XPO6: variants seen among roughly 807,000 people sequenced by gnomAD.
XPO6 encodes the protein exportin-6.
XPO6 carries 3 observed loss-of-function variants against 130.0 expected under a neutral mutation model. The ratio of observed to expected loss-of-function variants is 0.02; its 90% CI spans 0.01 to 0.06. The LOEUF is 0.06. XPO6 is among the 10% of genes least tolerant of loss of function. The probability of loss-of-function intolerance (pLI) is 1.00; values close to 1 mark genes in which losing one functional copy is unlikely to be tolerated. For synonymous variants in XPO6, 524 were observed against 548.9 expected, an observed-to-expected ratio of 0.95 and a Z score of 0.63; for missense variants, 970 against 1,393.0, an observed-to-expected ratio of 0.70 and a Z score of 4.83.
chr16:28,163,051 A>C (rs2043302565), intron 6 of XPO6, among the ~76,000 whole-genome samples: 1 of 152,128 alleles, frequency 6.6e-6, no homozygotes, highest in Non-Finnish European at 1.5e-5. Context: ...TGCCAATAGC[A>C]CTTCTCCAGT....
At chr16:28,099,213 G>C (rs933053856) in intron 23 of XPO6, among the ~76,000 whole-genome samples, 2 of 152,202 alleles carry the variant, frequency 1.3e-5, no homozygotes, top group Admixed American at 1.3e-4. Flanking sequence ...TGTCCCACTG[G>C]GCGCAGCGTG....
intron 4 of XPO6, among the ~76,000 whole-genome samples, chr16:28,174,272 G>A (rs1461086406): frequency 2.0e-5 from 3 of 151,966 alleles, no homozygotes. Flanking sequence ...CGTGGTGCAC[G>A]CCATCACCCC....
intron 7 of XPO6, chr16:28,155,778 G>C (rs2043174150): frequency 4.4e-6 from 2 of 456,896 alleles, no homozygotes; most frequent in Non-Finnish European, 6.6e-6. Flanking sequence ...AGACCTGCAA[G>C]CAAATAGTAA....
chr16:28,104,503 G>C, intron 21 of XPO6, 43 bp downstream of exon 21: 1 of 1,610,930 alleles, frequency 6.2e-7, no homozygotes, highest in East Asian at 2.2e-5. Flanking sequence ...GCAGTGGTCA[G>C]GTTAGAGGAA....
At chr16:28,104,278 G>T (rs533954398) in intron 21 of XPO6, among the ~76,000 whole-genome samples, 61 of 152,330 alleles carry the variant, frequency 4.0e-4, no homozygotes, top group African/African-American at 1.4e-3. Flanking sequence ...TATGAGGTCA[G>T]CGGAACTGAC....
chr16:28,152,821 C>T, intron 7 of XPO6, 36 bp from the exon 8 acceptor site: 1 of 1,600,320 alleles, frequency 6.2e-7, no homozygotes, highest in South Asian at 1.1e-5. Context: ...CAATAAGAAA[C>T]CCAGCCACCT....
chr16:28,140,676 C>CAA (rs869289553), intron 9 of XPO6, among the ~76,000 whole-genome samples: 8 of 80,968 alleles, frequency 9.9e-5, no homozygotes, highest in African/African-American at 2.3e-4. Flanking sequence ...GACCCCGTCT[C>CAA]AAAAAAAAAA....
chr16:28,189,664 G>A (rs1409552819), intron 1 of XPO6, among the ~76,000 whole-genome samples: 1 of 152,098 alleles, frequency 6.6e-6, no homozygotes, highest in Non-Finnish European at 1.5e-5. Context: ...GGGCAGGCGC[G>A]CCCACCCCTC....
At chr16:28,156,004 T>C in intron 7 of XPO6, 70 bp downstream of exon 7, 1 of 1,527,492 alleles carries the variant, frequency 6.5e-7, no homozygotes, top group East Asian at 2.3e-5. Flanking sequence ...ACAGATGCCA[T>C]GCAGCACAGC....
intron 4 of XPO6, among the ~76,000 whole-genome samples, chr16:28,173,457 T>C (rs191669620): frequency 1.5e-3 from 233 of 152,326 alleles, no homozygotes; most frequent in Admixed American, 2.4e-3. Context: ...CAAAGGGGAC[T>C]TTAGGCTAGG....
intron 1 of XPO6, among the ~76,000 whole-genome samples, chr16:28,207,023 G>A (rs1035857495): frequency 6.6e-6 from 1 of 152,182 alleles, no homozygotes; most frequent in Non-Finnish European, 1.5e-5. Flanking sequence ...AAGGTGGGCA[G>A]ATCATCTGAG....
At chr16:28,108,702 C>A (rs1363373153) in intron 17 of XPO6, among the ~76,000 whole-genome samples, 1 of 152,232 alleles carries the variant, frequency 6.6e-6, no homozygotes, top group Admixed American at 6.5e-5. Context: ...TGAGAGCTGC[C>A]TCCCACTTGG....
chr16:28,149,188 G>A (rs541018019), intron 8 of XPO6, among the ~76,000 whole-genome samples: 1 of 152,114 alleles, frequency 6.6e-6, no homozygotes, highest in South Asian at 2.1e-4. Context: ...AGAACAAGAA[G>A]GAAGTGGTGA....
In XPO6 at chr16:28,121,671, C is replaced by G; in HGVS notation, c.1858G>C (p.Val620Leu). 1 of 1,604,432 alleles carries G rather than the reference C, an allele frequency of 6.2e-7. No individual in the cohort carries two copies. The highest frequency in any genetic ancestry group is 8.5e-7 in the Non-Finnish European group (1 of 1,171,192). ...PSVLKPDLID[V>L]HAQSLAALQA... is the part of the protein sequence containing the mutation. ...ACAAACATCAAACTCTAGACTTACA[C>G]ATCAATGAGGTCAGGTTTCAATACT... is the stretch of plus-strand genomic sequence containing the variant. Residue 620 changes from valine to leucine, a missense_variant and splice_region_variant, in exon 14 of 24, where the codon GTG (valine) becomes CTG (leucine). Around this residue, in one of 4 missense-constraint regions of XPO6, gnomAD observed 936 missense variants for 1,306.8 expected, o/e 0.72. Transcript: ENST00000304658.
intron 7 of XPO6, chr16:28,154,043 T>C: frequency 2.0e-6 from 2 of 985,278 alleles, no homozygotes; most frequent in Non-Finnish European, 2.4e-6. Flanking sequence ...GGCCAAGTAC[T>C]CGAAAAACAG....
chr16:28,145,100 G>C (rs916609511), intron 9 of XPO6, among the ~76,000 whole-genome samples: 1 of 152,174 alleles, frequency 6.6e-6, no homozygotes, highest in Non-Finnish European at 1.5e-5. Context: ...AGATCACCTA[G>C]TTTGTAATCT....
intron 9 of XPO6, among the ~76,000 whole-genome samples, chr16:28,135,715 G>A (rs142295513): frequency 1.7e-4 from 26 of 152,278 alleles, no homozygotes; most frequent in African/African-American, 6.3e-4. Context: ...AATCCAAAGT[G>A]AGTCTCTTGT....
chr16:28,108,551 G>A lies in XPO6; in HGVS notation c.2342-874C>T, dbSNP rs570870765. Among the ~76,000 whole-genome samples, 7 of 152,342 alleles carry A rather than the reference G, an allele frequency of 4.6e-5. No homozygotes were observed. In the South Asian group the frequency reaches 1.4e-3, roughly 32 times the overall value. On this transcript the variant is annotated intron_variant, in intron 17 of 23. Transcript: ENST00000304658. ...TAAGAAGGTCCAGGACGGAGATGCT[G>A]CCATTGTTCCCAGCGCGAGTGGAGT...
Position 28,206,358 on chromosome 16 carries a change from T to C in XPO6, c.3+5008A>G, listed in dbSNP as rs991834942. Among the ~76,000 whole-genome samples, 7 of 151,868 alleles carry C rather than the reference T, an allele frequency of 4.6e-5. No homozygotes were observed. The South Asian group carries it at 8.3e-4, about 18-fold the overall frequency. On this transcript the variant is annotated intron_variant, in intron 1 of 23. Transcript: ENST00000304658. ...AAGTTCAAGACCAGGCTGGACAACA[T>C]AGCAATCCCCACTCTCTACAAAAAA...
Sources: allele counts gnomAD v4.1 joint callset (sites outside exome capture counted in the v4.1 genomes callset), GRCh38; gene constraint gnomAD v4.1.1; regional missense constraint gnomAD v4.1.1; transcripts MANE v1.5; gene names NCBI Gene and HGNC (gene_info 2026-07-23, HGNC 2026-07-21).